ARFGEF1: variants seen among roughly 807,000 people sequenced by gnomAD.
ARFGEF1 encodes brefeldin A-inhibited guanine nucleotide-exchange protein 1.
In ARFGEF1, 42 loss-of-function variants were observed where a neutral mutation model predicts 231.0. The ratio of observed to expected loss-of-function variants is 0.18; its 90% CI spans 0.14 to 0.24. The LOEUF is 0.24. Among genes scored for constraint, ARFGEF1 ranks in the 10% least tolerant of loss-of-function variants. The pLI, the probability that ARFGEF1 is intolerant of heterozygous loss-of-function variation, is 1.00. For missense variants in ARFGEF1, 1,345 were observed against 2,192.0 expected, an observed-to-expected ratio of 0.61 and a Z score of 7.72; for synonymous variants, 710 against 732.3, an observed-to-expected ratio of 0.97 and a Z score of 0.49.
intron 19 of ARFGEF1, among the ~76,000 whole-genome samples, chr8:67,244,779 G>A (rs1170225700): frequency 2.0e-5 from 3 of 150,394 alleles, no homozygotes; most frequent in African/African-American, 7.5e-5. Context: ...CTTCAAAGAG[G>A]CAGAGAAAGA....
chr8:67,333,472 ATTT>A (rs919763001), intron 1 of ARFGEF1, among the ~76,000 whole-genome samples: 1 of 145,230 alleles, frequency 6.9e-6, no homozygotes, highest in Non-Finnish European at 1.5e-5. Context: ...ACACCCAGTA[ATTT>A]TTTTTTTTTA....
At chr8:67,308,802 A>G (rs1223084882) in intron 1 of ARFGEF1, among the ~76,000 whole-genome samples, 3 of 152,132 alleles carry the variant, frequency 2.0e-5, no homozygotes, top group African/African-American at 7.2e-5. Context: ...TATTAATTGT[A>G]TATATTATAT....
At chr8:67,175,540 C>T (rs767330628) in exon 6 of ARFGEF1, 1 of 1,343,520 alleles carries the variant, frequency 7.4e-7, no homozygotes, top group Admixed American at 1.8e-5. Flanking sequence ...CCTCCTTTCA[C>T]TGGCAGCCCC....
chr8:67,232,507 G>C (rs1839586716), intron 23 of ARFGEF1, among the ~76,000 whole-genome samples: 1 of 151,936 alleles, frequency 6.6e-6, no homozygotes, highest in African/African-American at 2.4e-5. Flanking sequence ...TGTGGACCCA[G>C]AAAAATAAAC....
intron 34 of ARFGEF1, 22 bp from the exon 35 acceptor site, chr8:67,204,841 T>C (rs1305215045): frequency 5.6e-6 from 9 of 1,611,128 alleles, no homozygotes; most frequent in African/African-American, 1.3e-5. Context: ...CCCCCCCCAA[T>C]GCACATGCAA....
At chr8:67,179,326 C>T (rs1033873659) in intron 5 of ARFGEF1, among the ~76,000 whole-genome samples, 8 of 152,138 alleles carry the variant, frequency 5.3e-5, no homozygotes, top group African/African-American at 9.7e-5. Context: ...ATAGGGCTGT[C>T]ATAATCTGAG....
chr8:67,212,236 C>T (rs145376328), intron 33 of ARFGEF1, among the ~76,000 whole-genome samples: 33 of 152,274 alleles, frequency 2.2e-4, no homozygotes, highest in African/African-American at 7.9e-4. Flanking sequence ...GCATGCACCA[C>T]CATGCCCGGC....
At chr8:67,310,187 C>T (rs1379422965) in intron 1 of ARFGEF1, among the ~76,000 whole-genome samples, 3 of 151,956 alleles carry the variant, frequency 2.0e-5, no homozygotes, top group African/African-American at 7.2e-5. Context: ...GCTGCCATCT[C>T]GGCTCACTGC....
chr8:67,232,562 T>C (rs1323332206), intron 23 of ARFGEF1, among the ~76,000 whole-genome samples: 1 of 152,032 alleles, frequency 6.6e-6, no homozygotes, highest in African/African-American at 2.4e-5. Context: ...ATAAGTTTTC[T>C]ACGAGAAAAT....
intron 6 of ARFGEF1, among the ~76,000 whole-genome samples, chr8:67,288,495 G>C (rs1277954164): frequency 1.3e-5 from 2 of 152,206 alleles, no homozygotes; most frequent in Non-Finnish European, 2.9e-5. Flanking sequence ...CAACTTGGGA[G>C]GCCAAGGTGG....
chr8:67,190,668 A>AG, intron 5 of ARFGEF1: 1 of 1,614,084 alleles, frequency 6.2e-7, no homozygotes, highest in Non-Finnish European at 8.5e-7. Context: ...GGTGAGACAT[A>AG]TCCTGCCATT....
intron 23 of ARFGEF1, 130 bp downstream of exon 23, chr8:67,232,725 T>C: frequency 5.8e-6 from 4 of 687,614 alleles, no homozygotes; most frequent in Non-Finnish European, 9.2e-6. Flanking sequence ...AATCACAGCA[T>C]ATCACAATAT....
At chr8:67,337,059 G>C (rs1215958979) in intron 1 of ARFGEF1, among the ~76,000 whole-genome samples, 1 of 150,848 alleles carries the variant, frequency 6.6e-6, no homozygotes, top group Non-Finnish European at 1.5e-5. Flanking sequence ...AACTCGGGAG[G>C]CGGAGCTTGC....
intron 5 of ARFGEF1, among the ~76,000 whole-genome samples, chr8:67,190,306 G>C (rs182128625): frequency 5.3e-5 from 8 of 152,320 alleles, no homozygotes. Flanking sequence ...TTATTGCTAA[G>C]TGAAAAGACA....
intron 8 of ARFGEF1, among the ~76,000 whole-genome samples, chr8:67,276,875 T>A (rs1369587672): frequency 6.6e-6 from 1 of 152,192 alleles, no homozygotes; most frequent in Non-Finnish European, 1.5e-5. Flanking sequence ...GAGCATTTCC[T>A]TTGTGTATGA....
chr8:67,249,925 A>G (rs532276767), intron 19 of ARFGEF1, among the ~76,000 whole-genome samples: 125 of 152,308 alleles, frequency 8.2e-4, no homozygotes, highest in Middle Eastern at 6.8e-3. Flanking sequence ...CCTAGCTGAG[A>G]GGGTGATATT....
intron 7 of ARFGEF1, among the ~76,000 whole-genome samples, chr8:67,287,552 C>T (rs146744830): frequency 5.3e-5 from 8 of 152,258 alleles, no homozygotes; most frequent in African/African-American, 1.7e-4. Context: ...TGAAGGCCTC[C>T]GACACACTTT....
rs918103972 is a variant in ARFGEF1, at chr8:67,183,843, A to ATTTT, written c.561-8275_561-8272dup. On this transcript the variant is annotated intron_variant, in intron 5 of 5. Transcript: ENST00000518789. ...AGCCAGACTATGTAAAAAATTGGGA[A>ATTTT]TTTTTTTTTTTTTTTTTTTTTTTTT... 1.3e-3 allele frequency among the ~76,000 whole-genome samples: 144 copies of ATTTT among 108,214 alleles called. 6 individuals carry two copies. Among genetic ancestry groups the ATTTT allele is most frequent in the African/African-American group, 5.3e-3 (135 of 25,260 alleles). 71.0% of individuals were successfully genotyped at this position (108,214 alleles called of 152,430 possible).
At chr8:67,194,115 T>C (rs771092690), downstream of ARFGEF1, among the ~76,000 whole-genome samples, 2 of 152,164 alleles carry the variant, frequency 1.3e-5, no homozygotes, top group African/African-American at 4.8e-5. Context: ...AAGCTAGTCA[T>C]AGAGCACAAG....
Sources: allele counts gnomAD v4.1 joint callset (sites outside exome capture counted in the v4.1 genomes callset), GRCh38; gene constraint gnomAD v4.1.1; transcripts MANE v1.5; gene names NCBI Gene and HGNC (gene_info 2026-07-23, HGNC 2026-07-21).